Variants in ZNF638 observed in about 807,000 individuals in gnomAD.
The protein encoded by ZNF638 is CTCL tumor antigen se33-1.
ZNF638 carries 46 observed loss-of-function variants against 195.6 expected under a neutral mutation model. That is an observed-to-expected ratio of 0.24 (90% CI 0.19 to 0.30). The LOEUF (loss-of-function observed/expected upper bound fraction) is 0.30. Among genes scored for constraint, ZNF638 ranks in the 10% least tolerant of loss-of-function variants. ZNF638 has a pLI of 1.00. For missense variants in ZNF638, 2,440 were observed against 2,325.3 expected (o/e 1.05, Z -1.01); for synonymous variants, 845 against 772.0 (o/e 1.09, Z -1.57).
Position 71,348,283 on chromosome 2 carries a change from C to G in ZNF638, c.-202-470C>G, listed in dbSNP as rs12617927. The G allele has an allele frequency of 0.039, 13,446 of 348,294 alleles. 1,174 individuals are homozygous for G. In the East Asian group the frequency reaches 0.55, roughly 14 times the overall value. 21.6% of individuals were successfully genotyped at this position (348,294 alleles called of 1,614,324 possible). On this transcript the variant is annotated intron_variant, in intron 1 of 27. Coordinates refer to ENST00000264447, the MANE Select transcript of ZNF638 (RefSeq NM_014497.5). The stretch of plus-strand genomic sequence containing the variant: ...CTATGGGATTTATTAGATGTCAAGG[C>G]TGATTCCAAGGAAGATTGTGTTTTA...
At chr2:71,358,529 T>C (rs1043599430) in intron 3 of ZNF638, among the ~76,000 whole-genome samples, 1 of 152,234 alleles carries the variant, frequency 6.6e-6, no homozygotes, top group Non-Finnish European at 1.5e-5. Flanking sequence ...CGATCTGGCA[T>C]CCTCTGGGTC....
At position 71,356,780 on chromosome 2, in the gene ZNF638, CA is replaced by C. The variant is rs368403112; in HGVS notation, c.1379+1014del. On this transcript the variant is annotated intron_variant, in intron 3 of 27. Transcript: ENST00000264447. ...CTCTAGCCTGGGCGACAGCCTGTTT[CA>C]AAAAAAAAAAAAATTTTTTTTTTTT... Among the ~76,000 whole-genome samples, 258 of 143,252 alleles carry C rather than the reference CA, an allele frequency of 1.8e-3. 2 individuals are homozygous for C. The highest frequency in any genetic ancestry group is 0.011 in the South Asian group (52 of 4,620). The allele number at this position is 143,252 out of a possible 152,430, so 94.0% of individuals were successfully genotyped here. A position where few individuals can be genotyped will look rare whatever the true frequency, so the allele number is the denominator to read the frequency against.
intron 10 of ZNF638, 116 bp downstream of exon 10, chr2:71,380,681 C>A: frequency 1.4e-6 from 1 of 724,590 alleles, no homozygotes; most frequent in Non-Finnish European, 2.2e-6. Context: ...ACCCAAATTA[C>A]ATTCTTTAAT....
intron 15 of ZNF638, among the ~76,000 whole-genome samples, chr2:71,401,228 GT>G (rs1407552202): frequency 6.6e-6 from 1 of 151,984 alleles, no homozygotes; most frequent in Non-Finnish European, 1.5e-5. Context: ...AAATTGCCAA[GT>G]TGACTATAGC....
chr2:71,370,897 T>G (rs1158185651), intron 8 of ZNF638, among the ~76,000 whole-genome samples: 1 of 152,196 alleles, frequency 6.6e-6, no homozygotes, highest in Non-Finnish European at 1.5e-5. Context: ...CTATAGTCAC[T>G]CTGTTGCGCT....
intron 8 of ZNF638, among the ~76,000 whole-genome samples, chr2:71,372,388 G>C (rs1013287332): frequency 1.3e-5 from 2 of 152,164 alleles, no homozygotes; most frequent in African/African-American, 4.8e-5. Flanking sequence ...ATGGGTGCTG[G>C]CTGAGTACAG....
rs534029958 is a variant in ZNF638, at chr2:71,417,137, G to A, written c.3262-1465G>A. Among the ~76,000 whole-genome samples, 136 of 149,604 alleles carry A rather than the reference G, an allele frequency of 9.1e-4. 1 individual carries two copies. Among genetic ancestry groups the A allele is most frequent in the Non-Finnish European group, 4.9e-4 (33 of 67,430 alleles). On this transcript the variant is annotated intron_variant, in intron 20 of 27. Transcript: ENST00000264447. ...TGCTAGCAATCAGCGAGATTCCGTG[G>A]GCATAGGACCCTCTGAGCCAGGTGT...
At chr2:71,392,362 C>T (rs2079799454) in intron 10 of ZNF638, among the ~76,000 whole-genome samples, 1 of 152,178 alleles carries the variant, frequency 6.6e-6, no homozygotes, top group South Asian at 2.1e-4. Flanking sequence ...AATTCCCTCA[C>T]TCAATCTGGA....
Position 71,396,616 on chromosome 2 carries a change from G to T in ZNF638, c.2428+425G>T, listed in dbSNP as rs144472958. On this transcript the variant is annotated intron_variant, in intron 11 of 27. Transcript: ENST00000264447. Reference sequence around the variant, plus strand: ...TCTGCTAAATCCTGATTAATTCAGGGTCATCTCTTTAAGTGGATAGAAATC... The same window carrying T: ...TCTGCTAAATCCTGATTAATTCAGGTTCATCTCTTTAAGTGGATAGAAATC... Among the ~76,000 whole-genome samples the T allele has an allele frequency of 2.4e-3, 365 of 152,182 alleles. 1 individual carries two copies. The highest frequency in any genetic ancestry group is 8.5e-3 in the African/African-American group (353 of 41,518).
intron 20 of ZNF638, among the ~76,000 whole-genome samples, chr2:71,417,628 T>C (rs1306916873): frequency 6.6e-6 from 1 of 152,166 alleles, no homozygotes; most frequent in Non-Finnish European, 1.5e-5. Context: ...AATATAGGTA[T>C]CTGATGTAGA....
At chr2:71,412,179 G>A in intron 20 of ZNF638, among the ~76,000 whole-genome samples, 1 of 40,314 alleles carries the variant, frequency 2.5e-5, no homozygotes, top group Non-Finnish European at 4.3e-5. Context: ...TAACTGGTGT[G>A]AGATGATATC....
chr2:71,381,590 G>A (rs538998119), intron 10 of ZNF638, among the ~76,000 whole-genome samples: 1 of 152,238 alleles, frequency 6.6e-6, no homozygotes, highest in South Asian at 2.1e-4. Context: ...GAAGGGTCAT[G>A]CTGAGAAGTT....
chr2:71,359,753 T>C (rs570312484), intron 3 of ZNF638, among the ~76,000 whole-genome samples: 1 of 152,330 alleles, frequency 6.6e-6, no homozygotes, highest in East Asian at 1.9e-4. Context: ...TTTATTCTTT[T>C]AAGCTGTGTT....
At chr2:71,341,994 C>A (rs1448266659) in intron 1 of ZNF638, among the ~76,000 whole-genome samples, 1 of 151,980 alleles carries the variant, frequency 6.6e-6, no homozygotes, top group Non-Finnish European at 1.5e-5. Flanking sequence ...GCTTGTTTTG[C>A]TTAATTTTAT....
Position 71,399,638 on chromosome 2 carries a change from T to TA in ZNF638, c.2581dup (p.Ile861AsnfsTer6). ...ACAAAGACTCTAACAAACCTGTGACTATACCAGGTAAGCTTGAAATGTGGT... is the reference window on the plus strand; with the variant it reads ...ACAAAGACTCTAACAAACCTGTGACTAATACCAGGTAAGCTTGAAATGTGGT... On this transcript the variant is annotated frameshift_variant, in exon 13 of 28. Coordinates refer to ENST00000264447, the MANE Select transcript of ZNF638 (RefSeq NM_014497.5). LOFTEE classifies it high-confidence loss of function. 1 of 1,608,838 alleles carries TA rather than the reference T, an allele frequency of 6.2e-7. No homozygotes were observed. The highest frequency in any genetic ancestry group is 8.5e-7 in the Non-Finnish European group (1 of 1,177,592).
At chr2:71,433,105 A>T in intron 26 of ZNF638, 60 bp from the exon 27 acceptor site, 2 of 1,273,700 alleles carry the variant, frequency 1.6e-6, no homozygotes, top group Non-Finnish European at 2.3e-6. Context: ...GAATAAATCG[A>T]TGAACACAAC....
In ZNF638 at chr2:71,418,402, G is replaced by T. The variant is rs186233569; in HGVS notation, c.3262-200G>T. ...TTTTTTCATTAATATAAGTTATTGT[G>T]TGTGACCTAATTTGGAGGTCTTTAA... is the stretch of plus-strand genomic sequence containing the variant. On this transcript the variant is annotated intron_variant, in intron 20 of 27. Coordinates refer to ENST00000264447, the MANE Select transcript of ZNF638 (RefSeq NM_014497.5). 6.4e-4 allele frequency: 246 copies of T among 383,730 alleles called. 1 individual carries two copies. Among genetic ancestry groups the T allele is most frequent in the Non-Finnish European group, 9.4e-4 (204 of 217,018 alleles). 23.8% of individuals were successfully genotyped at this position (383,730 alleles called of 1,614,324 possible). A position where few individuals can be genotyped will look rare whatever the true frequency, so the allele number is the denominator to read the frequency against.
intron 20 of ZNF638, among the ~76,000 whole-genome samples, chr2:71,417,917 C>A (rs559927131): frequency 2.6e-5 from 4 of 152,286 alleles, no homozygotes; most frequent in African/African-American, 9.6e-5. Flanking sequence ...CAAAATCTTT[C>A]TAGAAGACTT....
At chr2:71,399,192 A>G (rs1254650684) in intron 12 of ZNF638, among the ~76,000 whole-genome samples, 4 of 152,180 alleles carry the variant, frequency 2.6e-5, no homozygotes, top group African/African-American at 4.8e-5. Context: ...ACTATTTAAA[A>G]TAAATTTAGC....
Sources: allele counts gnomAD v4.1 joint callset (sites outside exome capture counted in the v4.1 genomes callset), GRCh38; gene constraint gnomAD v4.1.1; transcripts MANE v1.5; gene names NCBI Gene and HGNC (gene_info 2026-07-23, HGNC 2026-07-21).